Variants in CTNNA3 observed in about 807,000 individuals in gnomAD.
The protein encoded by CTNNA3 is catenin alpha 3.
Under a neutral mutation model 95.7 loss-of-function variants are expected in CTNNA3, and 76 were observed. The observed-to-expected ratio is 0.79, with a 90% confidence interval of 0.66 to 0.96. The LOEUF (loss-of-function observed/expected upper bound fraction) is 0.96. Among genes scored for constraint, CTNNA3 ranks in the 40% least tolerant of loss-of-function variants. The pLI is 0.00. For synonymous variants in CTNNA3, 431 were observed against 374.4 expected, an observed-to-expected ratio of 1.15 and a Z score of -1.74; for missense variants, 1,191 against 1,089.8, an observed-to-expected ratio of 1.09 and a Z score of -1.31.
chr10:66,827,390 C>G (rs1842554409), intron 7 of CTNNA3, among the ~76,000 whole-genome samples: 1 of 152,170 alleles, frequency 6.6e-6, no homozygotes, highest in East Asian at 1.9e-4. Flanking sequence ...CAATCTCTTC[C>G]ACTCAAATCA....
intron 5 of CTNNA3, among the ~76,000 whole-genome samples, chr10:67,319,842 G>A (rs1414986357): frequency 6.8e-6 from 1 of 146,298 alleles, no homozygotes; most frequent in Non-Finnish European, 1.5e-5. Flanking sequence ...GTTCCAGTGA[G>A]CTGAGACTGC....
In CTNNA3 at chr10:66,458,738, T is replaced by C. The variant is rs1463485148; in HGVS notation, c.1531+61879A>G. On this transcript the variant is annotated intron_variant, in intron 11 of 17. Transcript: ENST00000433211. Reference sequence around the variant, plus strand: ...GCATAATGTCTTCAATGTTTATTCATGTTGAAGCAATCAGAATTTTATTCT... The same window carrying C: ...GCATAATGTCTTCAATGTTTATTCACGTTGAAGCAATCAGAATTTTATTCT... Among the ~76,000 whole-genome samples the C allele has an allele frequency of 2.0e-5, 3 of 152,190 alleles. No homozygotes were observed. The East Asian group carries it at 5.8e-4, about 29-fold the overall frequency.
At chr10:66,434,175 G>C (rs2093320043) in intron 11 of CTNNA3, among the ~76,000 whole-genome samples, 1 of 151,978 alleles carries the variant, frequency 6.6e-6, no homozygotes, top group South Asian at 2.1e-4. Context: ...TTCTAATTCT[G>C]TGAAAAAAGT....
intron 13 of CTNNA3, among the ~76,000 whole-genome samples, chr10:66,221,474 AG>A (rs2088924858): frequency 1.3e-5 from 2 of 152,216 alleles, no homozygotes; most frequent in South Asian, 4.1e-4. Flanking sequence ...AAGTCAAAAG[AG>A]CATGGGAACT....
chr10:67,744,473 C>A (rs1292439723), intron 1 of CTNNA3, among the ~76,000 whole-genome samples: 1 of 151,166 alleles, frequency 6.6e-6, no homozygotes, highest in African/African-American at 2.4e-5. Context: ...AAACTGGATC[C>A]CTTCCTTACA....
chr10:67,260,763 C>A (rs1268952550), intron 5 of CTNNA3, among the ~76,000 whole-genome samples: 1 of 152,010 alleles, frequency 6.6e-6, no homozygotes, highest in Non-Finnish European at 1.5e-5. Flanking sequence ...CGGCTCACTG[C>A]AACCTCTGCC....
At chr10:67,719,124 G>T (rs1274091142) in intron 1 of CTNNA3, among the ~76,000 whole-genome samples, 4 of 152,066 alleles carry the variant, frequency 2.6e-5, no homozygotes, top group Non-Finnish European at 5.9e-5. Context: ...ATGGTAGTTT[G>T]TATTTCTGTG....
At chr10:67,644,505 C>A (rs10997767) in intron 2 of CTNNA3, among the ~76,000 whole-genome samples, 20,024 of 150,938 alleles carry the variant, frequency 0.13, 1,425 homozygotes, top group Non-Finnish European at 0.16. Flanking sequence ...GAAAAAAAAA[C>A]CTTTAATATA....
chr10:67,742,612 A>C (rs1158269589), intron 1 of CTNNA3, among the ~76,000 whole-genome samples: 1 of 151,226 alleles, frequency 6.6e-6, no homozygotes, highest in African/African-American at 2.4e-5. Context: ...AAGAGCAAAC[A>C]CATACAAAAG....
chr10:67,114,086 A>G (rs1381597413), intron 7 of CTNNA3, among the ~76,000 whole-genome samples: 2 of 151,896 alleles, frequency 1.3e-5, no homozygotes, highest in Non-Finnish European at 2.9e-5. Flanking sequence ...TCAAAAAAAA[A>G]AATTCAAAAC....
At chr10:67,653,072 C>T (rs1839922464) in intron 1 of CTNNA3, among the ~76,000 whole-genome samples, 1 of 152,216 alleles carries the variant, frequency 6.6e-6, no homozygotes, top group South Asian at 2.1e-4. Flanking sequence ...ATACAGAAAG[C>T]ATGGTGCTGG....
intron 10 of CTNNA3, among the ~76,000 whole-genome samples, chr10:66,551,896 C>CTTTTTTTTTT (rs141885331): frequency 1.8e-5 from 2 of 113,966 alleles, no homozygotes; most frequent in Non-Finnish European, 3.6e-5. Context: ...TTTTCTTTTC[C>CTTTTTTTTTT]TTTTTTTTTT....
intron 12 of CTNNA3, among the ~76,000 whole-genome samples, chr10:66,341,742 G>T (rs1227639404): frequency 6.6e-6 from 1 of 151,858 alleles, no homozygotes; most frequent in Non-Finnish European, 1.5e-5. Context: ...TCGAAGTGAT[G>T]CATGGTTAAA....
intron 5 of CTNNA3, among the ~76,000 whole-genome samples, chr10:67,304,297 C>A (rs1482906597): frequency 1.3e-5 from 2 of 152,166 alleles, no homozygotes; most frequent in African/African-American, 4.8e-5. Context: ...TCCATAGGCA[C>A]TTCACTATAT....
At chr10:66,990,033 T>C (rs1850957776) in intron 7 of CTNNA3, among the ~76,000 whole-genome samples, 1 of 152,196 alleles carries the variant, frequency 6.6e-6, no homozygotes, top group Non-Finnish European at 1.5e-5. Context: ...GCAATAATAA[T>C]CCTTGCATAA....
intron 1 of CTNNA3, among the ~76,000 whole-genome samples, chr10:67,709,526 A>G (rs1024232163): frequency 1.3e-5 from 2 of 152,250 alleles, no homozygotes; most frequent in Admixed American, 1.3e-4. Flanking sequence ...AACTTCATCT[A>G]GGCCCATTTA....
intron 13 of CTNNA3, among the ~76,000 whole-genome samples, chr10:66,139,678 C>A (rs576181822): frequency 4.6e-5 from 7 of 151,890 alleles, no homozygotes; most frequent in Admixed American, 1.3e-4. Flanking sequence ...TACAATAGAC[C>A]ATCATAATTG....
chr10:66,991,439 T>C (rs1372125192), intron 7 of CTNNA3, among the ~76,000 whole-genome samples: 1 of 152,182 alleles, frequency 6.6e-6, no homozygotes, highest in African/African-American at 2.4e-5. Context: ...AACACCATCA[T>C]GTTTTATCTC....
At chr10:67,143,397 G>T (rs1860684281) in intron 7 of CTNNA3, among the ~76,000 whole-genome samples, 1 of 127,952 alleles carries the variant, frequency 7.8e-6, no homozygotes, top group Non-Finnish European at 1.6e-5. Context: ...CTACACTCCA[G>T]CCTGGGTGAC....
Sources: allele counts gnomAD v4.1 joint callset (sites outside exome capture counted in the v4.1 genomes callset), GRCh38; gene constraint gnomAD v4.1.1; transcripts MANE v1.5; gene names NCBI Gene and HGNC (gene_info 2026-07-23, HGNC 2026-07-21).